The following NLGN1 variants were observed in gnomAD, a reference collection of about 807,000 sequenced individuals.
NLGN1 encodes neuroligin-1.
A neutral mutation model predicts 65.5 loss-of-function variants in NLGN1; 12 were observed. That is an observed-to-expected ratio of 0.18 (90% CI 0.12 to 0.30). The LOEUF (loss-of-function observed/expected upper bound fraction) is 0.30, where lower values mean the gene tolerates loss of function less well. NLGN1 is among the 10% of genes least tolerant of loss of function. NLGN1 has a pLI of 1.00. For synonymous variants in NLGN1, 350 were observed against 359.5 expected, an observed-to-expected ratio of 0.97 and a Z score of 0.30; for missense variants, 750 against 1,007.1, an observed-to-expected ratio of 0.74 and a Z score of 3.46.
At chr3:173,898,537 C>A (rs1736740653) in intron 4 of NLGN1, among the ~76,000 whole-genome samples, 1 of 152,168 alleles carries the variant, frequency 6.6e-6, no homozygotes, top group Non-Finnish European at 1.5e-5. Flanking sequence ...TAAGCATTAA[C>A]CAGCATACTA....
intron 3 of NLGN1, among the ~76,000 whole-genome samples, chr3:173,805,708 A>G (rs1445253952): frequency 1.3e-5 from 2 of 152,234 alleles, no homozygotes; most frequent in Non-Finnish European, 2.9e-5. Flanking sequence ...ACCTCCAAGC[A>G]TACAATTAGC....
chr3:173,973,533 A>G (rs1716745159), intron 4 of NLGN1, among the ~76,000 whole-genome samples: 1 of 152,046 alleles, frequency 6.6e-6, no homozygotes, highest in African/African-American at 2.4e-5. Flanking sequence ...CAAATTTTTG[A>G]GGAATAAAAT....
intron 2 of NLGN1, among the ~76,000 whole-genome samples, chr3:173,460,554 G>T (rs1311576162): frequency 6.6e-6 from 1 of 152,048 alleles, no homozygotes; most frequent in East Asian, 1.9e-4. Flanking sequence ...TATGGTTTTT[G>T]TTTGTGTTTT....
intron 4 of NLGN1, among the ~76,000 whole-genome samples, chr3:174,273,582 A>G (rs115715655): frequency 0.023 from 3,489 of 151,390 alleles, 101 homozygotes; most frequent in Middle Eastern, 0.082. Flanking sequence ...CTTCTATCTA[A>G]GAAGATACCA....
Position 173,775,778 on chromosome 3 carries a change from A to G in NLGN1, c.494-31902A>G, listed in dbSNP as rs144991644. Among the ~76,000 whole-genome samples the G allele has an allele frequency of 1.8e-3, 268 of 152,292 alleles. 2 individuals carry two copies. The highest frequency in any genetic ancestry group is 6.0e-3 in the African/African-American group (248 of 41,584). On this transcript the variant is annotated intron_variant, in intron 3 of 6. Coordinates refer to ENST00000457714, the Ensembl canonical transcript of NLGN1. ...ATAAATACAAAGTGGGAAAAACACA[A>G]CTAGAGTGACACTTTGTTAACTTAG...
intron 3 of NLGN1, among the ~76,000 whole-genome samples, chr3:173,668,867 G>A (rs561022520): frequency 4.6e-5 from 7 of 151,976 alleles, no homozygotes; most frequent in South Asian, 2.1e-4. Flanking sequence ...CAAGTGATCC[G>A]CCCGCCTCGG....
chr3:174,050,355 A>G (rs1031239756), intron 4 of NLGN1, among the ~76,000 whole-genome samples: 1 of 152,074 alleles, frequency 6.6e-6, no homozygotes, highest in Non-Finnish European at 1.5e-5. Context: ...AACAATAGCC[A>G]TGAAAAGAAA....
At chr3:173,401,105 G>T (rs1163447711) in intron 1 of NLGN1, among the ~76,000 whole-genome samples, 1 of 152,142 alleles carries the variant, frequency 6.6e-6, no homozygotes, top group African/African-American at 2.4e-5. Flanking sequence ...TCTCAGCTTT[G>T]ACACTGTTGT....
At chr3:174,082,183 G>T (rs949288655) in intron 4 of NLGN1, among the ~76,000 whole-genome samples, 1 of 152,096 alleles carries the variant, frequency 6.6e-6, no homozygotes, top group Non-Finnish European at 1.5e-5. Context: ...CTTTAATAGA[G>T]CCTTCCATCC....
intron 3 of NLGN1, among the ~76,000 whole-genome samples, chr3:173,730,624 C>T (rs927553826): frequency 6.6e-6 from 1 of 152,034 alleles, no homozygotes; most frequent in Non-Finnish European, 1.5e-5. Flanking sequence ...CAGCACTTAT[C>T]TAATGCCTTG....
At chr3:174,172,221 G>A (rs1413363508) in intron 4 of NLGN1, among the ~76,000 whole-genome samples, 4 of 152,094 alleles carry the variant, frequency 2.6e-5, no homozygotes, top group East Asian at 1.9e-4. Context: ...TGATATAGGC[G>A]TGCAGTGCAT....
intron 4 of NLGN1, among the ~76,000 whole-genome samples, chr3:174,045,169 G>A (rs1733277406): frequency 1.3e-5 from 2 of 152,106 alleles, no homozygotes; most frequent in African/African-American, 2.4e-5. Context: ...ACAATTGACT[G>A]TGTTAATCCG....
intron 4 of NLGN1, chr3:174,136,668 A>G (rs1477804438): frequency 6.6e-6 from 1 of 152,116 alleles, no homozygotes. Flanking sequence ...GCTCTCTTTC[A>G]TTTGAAAATA....
At chr3:173,988,171 G>T (rs189169921) in intron 4 of NLGN1, among the ~76,000 whole-genome samples, 44 of 152,220 alleles carry the variant, frequency 2.9e-4, no homozygotes, top group Admixed American at 2.3e-3. Context: ...ACAAAGGCCA[G>T]TGTAAACAAG....
intron 2 of NLGN1, among the ~76,000 whole-genome samples, chr3:173,471,473 T>C (rs1203645093): frequency 6.6e-6 from 1 of 152,112 alleles, no homozygotes; most frequent in Non-Finnish European, 1.5e-5. Context: ...TCTATCTGTG[T>C]ATGTAGCTCT....
intron 4 of NLGN1, among the ~76,000 whole-genome samples, chr3:174,073,832 A>G (rs567104849): frequency 6.6e-6 from 1 of 152,320 alleles, no homozygotes; most frequent in Non-Finnish European, 1.5e-5. Context: ...ATGACAGTCA[A>G]AATCTTTCAA....
chr3:173,819,275 T>A lies in NLGN1; in HGVS notation c.646+11443T>A, dbSNP rs527601247. On this transcript the variant is annotated intron_variant, in intron 4 of 6. Coordinates refer to ENST00000457714, the Ensembl canonical transcript of NLGN1. ...GACCCCTCATCCTCTAGACCTAAAT[T>A]CATATGCCAATTGCATCCCACACCA... is the stretch of plus-strand genomic sequence containing the variant. Among the ~76,000 whole-genome samples the A allele has an allele frequency of 1.2e-3, 183 of 152,220 alleles. 1 individual carries two copies. Among genetic ancestry groups the A allele is most frequent in the African/African-American group, 4.4e-3 (181 of 41,538 alleles).
intron 4 of NLGN1, among the ~76,000 whole-genome samples, chr3:173,962,556 A>G (rs1211327029): frequency 1.3e-5 from 2 of 152,214 alleles, no homozygotes; most frequent in East Asian, 3.9e-4. Context: ...GAATTCTAAA[A>G]CAAGTGTTAC....
intron 3 of NLGN1, among the ~76,000 whole-genome samples, chr3:173,605,860 T>C (rs1751325646): frequency 6.6e-6 from 1 of 152,092 alleles, no homozygotes; most frequent in Non-Finnish European, 1.5e-5. Flanking sequence ...TTGTGTTTAG[T>C]GGAATATGTA....
Sources: gnomAD v4.1 joint callset for allele counts (sites outside exome capture counted in the v4.1 genomes callset) on GRCh38, gnomAD v4.1.1 for gene constraint, MANE v1.5 for transcripts, NCBI Gene and HGNC (gene_info 2026-07-23, HGNC 2026-07-21) for gene names.